THOC1: variants seen among roughly 807,000 people sequenced by gnomAD.
THOC1 encodes the protein THO complex 1.
In THOC1, 29 loss-of-function variants were observed where a neutral mutation model predicts 97.3. That is an observed-to-expected ratio of 0.30 (90% CI 0.22 to 0.41). THOC1 has a LOEUF of 0.41. Among genes scored for constraint, THOC1 ranks in the 10% least tolerant of loss-of-function variants. The pLI is 1.00. For synonymous variants in THOC1, 255 were observed against 257.0 expected (o/e 0.99, Z 0.07); for missense variants, 529 against 761.9 (o/e 0.69, Z 3.60).
chr18:262,334 A>C (rs1034806447), intron 4 of THOC1, among the ~76,000 whole-genome samples: 1 of 152,246 alleles, frequency 6.6e-6, no homozygotes, highest in Non-Finnish European at 1.5e-5. Flanking sequence ...CACTGAATAG[A>C]AGCTCAATAA....
chr18:221,131 G>T (rs663186), intron 17 of THOC1, among the ~76,000 whole-genome samples: 94,977 of 152,054 alleles, frequency 0.62, 29,845 homozygotes, highest in South Asian at 0.76. Flanking sequence ...TAAAGGAGTT[G>T]TAAGTATTTT....
At chr18:240,123 T>C (rs1911847185) in intron 11 of THOC1, among the ~76,000 whole-genome samples, 1 of 152,220 alleles carries the variant, frequency 6.6e-6, no homozygotes, top group Non-Finnish European at 1.5e-5. Flanking sequence ...TTCTATTACT[T>C]TGGCTAATAA....
chr18:223,583 A>G, intron 16 of THOC1, 78 bp from the exon 17 acceptor site: 1 of 1,152,662 alleles, frequency 8.7e-7, no homozygotes, highest in Non-Finnish European at 1.2e-6. Context: ...CAGAAAAACA[A>G]TACAATGTAA....
At chr18:248,095 TTATA>T (rs1912153750) in intron 9 of THOC1, 138 bp from the exon 10 acceptor site, 2 of 586,722 alleles carry the variant, frequency 3.4e-6, no homozygotes, top group Non-Finnish European at 5.8e-6. Context: ...TCACAAATGC[TTATA>T]TAAACTTTTA....
chr18:266,768 C>T (rs1196437965), intron 1 of THOC1, among the ~76,000 whole-genome samples: 3 of 152,130 alleles, frequency 2.0e-5, no homozygotes, highest in Non-Finnish European at 4.4e-5. Context: ...AACTCTTGAC[C>T]TCAGGTGATC....
At chr18:224,027 C>G in intron 16 of THOC1, 57 bp downstream of exon 16, 1 of 1,233,712 alleles carries the variant, frequency 8.1e-7, no homozygotes, top group Non-Finnish European at 1.2e-6. Flanking sequence ...CTTAAAGTAA[C>G]ATCTTCAAAA....
chr18:257,688 A>G (rs1912478883), intron 7 of THOC1, among the ~76,000 whole-genome samples: 1 of 152,198 alleles, frequency 6.6e-6, no homozygotes, highest in African/African-American at 2.4e-5. Flanking sequence ...AAACAGTCAA[A>G]ACAGACAGGA....
At chr18:247,566 G>A (rs1188850380) in intron 10 of THOC1, among the ~76,000 whole-genome samples, 1 of 152,160 alleles carries the variant, frequency 6.6e-6, no homozygotes, top group Admixed American at 6.5e-5. Flanking sequence ...TTTGTACAAA[G>A]ATAGAATATA....
Position 223,503 on chromosome 18 carries a change from T to G in THOC1, c.1307A>C (p.Glu436Ala). 1 of 1,557,720 alleles carries G rather than the reference T, an allele frequency of 6.4e-7. No homozygotes were observed. Residue 436 changes from glutamate to alanine, a missense_variant and splice_region_variant, in exon 17 of 21, where the codon GAG (glutamate) becomes GCG (alanine). By Grantham distance (107) the Glu-to-Ala change is moderately radical. This residue lies in a region of THOC1 where 123 missense variants were observed against 159.0 expected (regional missense o/e 0.77). Transcript: ENST00000261600. ...GPTKKILMGN[E>A]ELTRLWNLCP... ...AAGATTCCAAAGCCTTGTTAACTCC[T>G]CACTACAAAATAGACACAGAAATAA...
chr18:241,390 T>TA (rs1911895949), intron 11 of THOC1, among the ~76,000 whole-genome samples: 2 of 152,134 alleles, frequency 1.3e-5, no homozygotes, highest in Non-Finnish European at 2.9e-5. Flanking sequence ...AACTTTTTTT[T>TA]AAAAAATGAC....
chr18:218,234 G>A (rs1479060194), intron 18 of THOC1, among the ~76,000 whole-genome samples: 2 of 152,138 alleles, frequency 1.3e-5, no homozygotes, highest in African/African-American at 2.4e-5. Flanking sequence ...GGGAACTGGC[G>A]GTTTAATAAT....
Position 228,615 on chromosome 18 carries a change from A to G in THOC1, c.919-1714T>C, listed in dbSNP as rs1338210091. 5.3e-5 allele frequency among the ~76,000 whole-genome samples: 8 copies of G among 152,230 alleles called. 1 individual carries two copies. The East Asian group carries it at 1.5e-3, about 29-fold the overall frequency. ...GCTATAGTCTGCCAACTCCTGGTCTAGACTTCATGGTTAATCTCTTCGGCC... is the reference window on the plus strand; with the variant it reads ...GCTATAGTCTGCCAACTCCTGGTCTGGACTTCATGGTTAATCTCTTCGGCC... On this transcript the variant is annotated intron_variant, in intron 11 of 20. Coordinates refer to ENST00000261600, the MANE Select transcript of THOC1 (RefSeq NM_005131.3).
chr18:265,523 G>A lies in THOC1; in HGVS notation c.62C>T (p.Thr21Ile), dbSNP rs762417829. The change falls in exon 2 of 21, where the codon ACC becomes ATC. Residue 21 changes from threonine (T) to isoleucine (I), a missense_variant. This residue lies in a region of THOC1 where 114 missense variants were observed against 97.4 expected (regional missense o/e 1.17). Transcript: ENST00000261600. ...GTTTTTGTTGTTCAAGGCCTCTCTG[G>A]TAGACTTCTAAAAAAAAATTAAAAT... ...PEARTRFTKS[T>I]REALNNKNIK... 8.2e-6 allele frequency: 13 copies of A among 1,576,210 alleles called. No homozygotes were observed. The highest frequency in any genetic ancestry group is 1.2e-5 in the South Asian group (1 of 84,384).
Position 267,989 on chromosome 18 carries a change from G to C in THOC1, c.31C>G (p.Pro11Ala), listed in dbSNP as rs755908137. 1.9e-6 allele frequency: 3 copies of C among 1,611,332 alleles called. No individual in the cohort carries two copies. Among genetic ancestry groups the C allele is most frequent in the Non-Finnish European group, 2.5e-6 (3 of 1,178,978 alleles). Residue 11 changes from proline to alanine, a missense_variant, in exon 1 of 21, where the codon CCC becomes GCC. By Grantham distance (27) the Pro-to-Ala change is conservative. Around this residue, in one of 8 missense-constraint regions of THOC1, gnomAD observed 114 missense variants for 97.4 expected, o/e 1.17. Transcript: ENST00000261600. MSPTPPLFSL[P>A]EARTRFTKST... ...ACCGTAAACCGCGTCCGCGCTTCGG[G>C]CAAACTGAAGAGCGGCGGCGTCGGA...
intron 11 of THOC1, among the ~76,000 whole-genome samples, chr18:228,136 C>G (rs1399114963): frequency 6.6e-6 from 1 of 152,172 alleles, no homozygotes; most frequent in African/African-American, 2.4e-5. Context: ...GTTCCTTGCC[C>G]TTAACTCCAC....
chr18:263,301 G>A (rs868512254), intron 4 of THOC1, among the ~76,000 whole-genome samples: 111 of 151,216 alleles, frequency 7.3e-4, no homozygotes, highest in African/African-American at 2.6e-3. Context: ...GGATGGTCTC[G>A]ATCTCCTGAC....
chr18:240,668 G>A (rs1482013400), intron 11 of THOC1, among the ~76,000 whole-genome samples: 1 of 152,114 alleles, frequency 6.6e-6, no homozygotes, highest in Non-Finnish European at 1.5e-5. Context: ...TTGGCACCAG[G>A]GACTGGTTTC....
chr18:221,636 TC>T, intron 17 of THOC1, among the ~76,000 whole-genome samples: 1 of 130,104 alleles, frequency 7.7e-6, no homozygotes, highest in African/African-American at 2.9e-5. Context: ...TGAGACGGAG[TC>T]TCGCTCTGTC....
At chr18:225,473 C>CA in intron 12 of THOC1, 70 bp from the exon 13 acceptor site, 1 of 1,299,462 alleles carries the variant, frequency 7.7e-7, no homozygotes, top group Non-Finnish European at 1.1e-6. Context: ...GTTTAAAAAA[C>CA]ACAAGGCATG....
Sources: gnomAD v4.1 joint callset for allele counts (sites outside exome capture counted in the v4.1 genomes callset) on GRCh38, gnomAD v4.1.1 for gene constraint, gnomAD v4.1.1 regional missense constraint, MANE v1.5 for transcripts, NCBI Gene and HGNC (gene_info 2026-07-23, HGNC 2026-07-21) for gene names.